The following USP22 variants were observed in gnomAD, a reference collection of about 807,000 sequenced individuals.
USP22 encodes the protein ubiquitin specific peptidase 22.
In USP22, 22 loss-of-function variants were observed where a neutral mutation model predicts 68.1. The observed-to-expected ratio is 0.32, with a 90% CI of 0.23 to 0.46. The LOEUF is 0.46. Among genes scored for constraint, USP22 ranks in the 20% least tolerant of loss-of-function variants. USP22 has a pLI of 1.00. For synonymous variants in USP22, 279 were observed against 274.2 expected (o/e 1.02, Z -0.17); for missense variants, 433 against 695.8 (o/e 0.62, Z 4.25).
At chr17:21,043,307 C>CCCCG (rs1567596641), upstream of USP22, 1 of 48,814 alleles carries the variant, frequency 2.0e-5, no homozygotes, top group Non-Finnish European at 5.8e-5. Context: ...CCACCCCCCC[C>CCCCG]CCCCCCCCGG....
At chr17:21,024,345 G>A (rs572972955) in intron 2 of USP22, among the ~76,000 whole-genome samples, 2 of 152,300 alleles carry the variant, frequency 1.3e-5, no homozygotes, top group South Asian at 2.1e-4. Flanking sequence ...CAGTGCCTAT[G>A]TAAATCCTTC....
At chr17:21,005,079 T>C (rs368848603) in intron 10 of USP22, 89 bp from the exon 11 acceptor site, 14 of 1,462,792 alleles carry the variant, frequency 9.6e-6, no homozygotes, top group African/African-American at 2.8e-5. Context: ...TTATCCAAGC[T>C]TGACCATGCA....
At position 21,021,186 on chromosome 17, in the gene USP22, G is replaced by A. The variant is rs1192882761; in HGVS notation, c.345C>T (p.Cys115=). Residue 115 remains cysteine (C), a synonymous_variant, in exon 3 of 13, where the codon TGC becomes TGT. Transcript: ENST00000261497. ...LMYGGIYCFL[C]QDYIYDKDME... is the part of the protein sequence containing the mutation. ...TGTCTTTGTCATAGATGTAGTCCTGGCACAGAAAACAGTAGATGCCTCCGT... is the reference window on the plus strand; with the variant it reads ...TGTCTTTGTCATAGATGTAGTCCTGACACAGAAAACAGTAGATGCCTCCGT... 3 of 1,613,972 alleles carry A rather than the reference G, an allele frequency of 1.9e-6. No individual in the cohort carries two copies. The highest frequency in any genetic ancestry group is 1.7e-5 in the Admixed American group (1 of 60,004).
intron 1 of USP22, among the ~76,000 whole-genome samples, chr17:21,039,736 A>G (rs1388218655): frequency 6.6e-6 from 1 of 152,164 alleles, no homozygotes; most frequent in East Asian, 1.9e-4. Flanking sequence ...TCATTCAGGG[A>G]TTCATTTCTT....
chr17:21,004,875 C>T, intron 11 of USP22, 53 bp downstream of exon 11: 14 of 1,603,344 alleles, frequency 8.7e-6, no homozygotes, highest in Non-Finnish European at 1.1e-5. Flanking sequence ...AGGAGCCCAC[C>T]CCCAGCTCTT....
intron 1 of USP22, among the ~76,000 whole-genome samples, chr17:21,033,346 TTTAA>T (rs1481568804): frequency 6.6e-6 from 1 of 152,228 alleles, no homozygotes; most frequent in South Asian, 2.1e-4. Flanking sequence ...GGATCAATTA[TTTAA>T]TTGTTGTTGA....
chr17:21,007,842 A>G (rs1214924442), intron 9 of USP22, 28 bp downstream of exon 9: 1 of 1,614,070 alleles, frequency 6.2e-7, no homozygotes, highest in Admixed American at 1.7e-5. Context: ...TAAGTCTGCC[A>G]TTAGAGTTGG....
At chr17:21,043,134 C>CCCCCCCCCCCCCCCCCA (rs1555531424), upstream of USP22, 5 of 72,150 alleles carry the variant, frequency 6.9e-5, no homozygotes, top group African/African-American at 2.6e-4. Flanking sequence ...CCCCCCCCCC[C>CCCCCCCCCCCCCCCCCA]CCTCCCGGCC....
intron 6 of USP22, 118 bp downstream of exon 6, chr17:21,015,629 TGACAA>T: frequency 7.5e-7 from 1 of 1,333,814 alleles, no homozygotes; most frequent in South Asian, 1.5e-5. Context: ...AGGGCTATGA[TGACAA>T]AACAATGGAA....
Position 21,042,468 on chromosome 17 carries a change from G to A in USP22, c.171+197C>T, listed in dbSNP as rs183022998. Among the ~76,000 whole-genome samples, 376 of 141,918 alleles carry A rather than the reference G, an allele frequency of 2.6e-3. 2 individuals are homozygous for A. Among genetic ancestry groups the A allele is most frequent in the Non-Finnish European group, 3.6e-3 (237 of 65,056 alleles). 93.1% of individuals were successfully genotyped at this position (141,918 alleles called of 152,430 possible). A position where few individuals can be genotyped will look rare whatever the true frequency, so the allele number is the denominator to read the frequency against. On this transcript the variant is annotated intron_variant, in intron 1 of 12. Coordinates refer to ENST00000261497, the MANE Select transcript of USP22 (RefSeq NM_015276.2). ...AGGATAGGAAGATGAGGAGATAAGG[G>A]AAGGGAGAGAGTTGAGGGGGGAAGG...
chr17:21,042,232 C>G (rs1597704726), intron 1 of USP22: 1 of 155,596 alleles, frequency 6.4e-6, no homozygotes, highest in African/African-American at 2.4e-5. Context: ...CGCGCAGGAA[C>G]GCCCGGGACC....
In USP22 at chr17:21,026,736, C is replaced by T. The variant is rs940804379; in HGVS notation, c.304+1806G>A. Reference sequence around the variant, plus strand: ...TCCCAGCACTTTGGGAGGCCACAGCCGAAGGATCGCTTGAGCCCAGGAGTT... The same window carrying T: ...TCCCAGCACTTTGGGAGGCCACAGCTGAAGGATCGCTTGAGCCCAGGAGTT... On this transcript the variant is annotated intron_variant, in intron 2 of 12. Coordinates refer to ENST00000261497, the MANE Select transcript of USP22 (RefSeq NM_015276.2). Among the ~76,000 whole-genome samples, 4 of 151,844 alleles carry T rather than the reference C, an allele frequency of 2.6e-5. 1 individual carries two copies. The highest frequency in any genetic ancestry group is 1.3e-4 in the Admixed American group (2 of 15,258).
chr17:21,007,307 A>G (rs8075610), intron 9 of USP22, among the ~76,000 whole-genome samples: 1 of 152,232 alleles, frequency 6.6e-6, no homozygotes, highest in African/African-American at 2.4e-5. Context: ...AAAAATGAAC[A>G]AATTGTTCCT....
At chr17:21,033,158 G>C (rs1034943749) in intron 1 of USP22, among the ~76,000 whole-genome samples, 2 of 151,990 alleles carry the variant, frequency 1.3e-5, no homozygotes, top group Non-Finnish European at 2.9e-5. Flanking sequence ...GCAGAGGCAG[G>C]ATTCCCCAGG....
At position 21,011,074 on chromosome 17, in the gene USP22, G is replaced by A; in HGVS notation, c.1103+77C>T. 5 of 1,503,474 alleles carry A rather than the reference G, an allele frequency of 3.3e-6. No homozygotes were observed. In the South Asian group the frequency reaches 6.7e-5, roughly 20 times the overall value. 93.1% of individuals were successfully genotyped at this position (1,503,474 alleles called of 1,614,324 possible). ...GGCTCTGTCCTGGGCATGTGAAAGA[G>A]CCCTGCTTTGGTCCTGATGGAGCAC... On this transcript the variant is annotated intron_variant, in intron 8 of 12. Coordinates refer to ENST00000261497, the MANE Select transcript of USP22 (RefSeq NM_015276.2).
At chr17:21,003,976 T>C (rs1489653991) in intron 12 of USP22, among the ~76,000 whole-genome samples, 1 of 152,002 alleles carries the variant, frequency 6.6e-6, no homozygotes, top group African/African-American at 2.4e-5. Flanking sequence ...TGACGTTCTC[T>C]GTGCTAAGGG....
intron 6 of USP22, among the ~76,000 whole-genome samples, chr17:21,014,429 TAC>T (rs1950848188): frequency 6.6e-6 from 1 of 152,206 alleles, no homozygotes; most frequent in South Asian, 2.1e-4. Flanking sequence ...TTATAAATCA[TAC>T]TAGGACATGA....
chr17:21,011,790 AATTT>A (rs1361763133), intron 7 of USP22, among the ~76,000 whole-genome samples: 3 of 152,186 alleles, frequency 2.0e-5, no homozygotes, highest in Non-Finnish European at 4.4e-5. Flanking sequence ...CCTTGCTAGA[AATTT>A]ATTTAACAAT....
In USP22 at chr17:21,041,747, G is replaced by A. The variant is rs1010772966; in HGVS notation, c.171+918C>T. On this transcript the variant is annotated intron_variant, in intron 1 of 12. Coordinates refer to ENST00000261497, the MANE Select transcript of USP22 (RefSeq NM_015276.2). ...CGGATTGTAATCTACAAAAGCGCGT[G>A]AAACTGTAAAAATAAACTTTATTCA... Among the ~76,000 whole-genome samples the A allele has an allele frequency of 4.6e-5, 7 of 152,362 alleles. No homozygotes were observed. In the South Asian group the frequency reaches 1.5e-3, roughly 32 times the overall value.
Sources: allele counts gnomAD v4.1 joint callset (sites outside exome capture counted in the v4.1 genomes callset), GRCh38; gene constraint gnomAD v4.1.1; transcripts MANE v1.5; gene names NCBI Gene and HGNC (gene_info 2026-07-23, HGNC 2026-07-21).